The following SPMAP2 variants were observed in gnomAD, a reference collection of about 807,000 sequenced individuals.
The protein encoded by SPMAP2 is sperm microtubule associated protein 2.
the SPMAP2 span, among the ~76,000 whole-genome samples, chr19:363,089 C>A: frequency 2.0e-5 from 3 of 152,222 alleles, no homozygotes; most frequent in African/African-American, 7.2e-5. Flanking sequence ...GGGGGCGGGG[C>A]TGCCTTCTGA....
chr19:367,262 G>A, the SPMAP2 span: 1 of 1,540,538 alleles, frequency 6.5e-7, no homozygotes, highest in Non-Finnish European at 8.7e-7. Context: ...ACGTGAAACA[G>A]TCCATGATGC....
At chr19:374,397 G>A in the SPMAP2 span, 3 of 1,613,986 alleles carry the variant, frequency 1.9e-6, no homozygotes, top group African/African-American at 4.0e-5. Context: ...TGGTGCTGGG[G>A]AGCTTCTGGC....
the SPMAP2 span, among the ~76,000 whole-genome samples, chr19:372,349 G>A: frequency 6.6e-6 from 1 of 152,212 alleles, no homozygotes; most frequent in Non-Finnish European, 1.5e-5. Flanking sequence ...ATCTGAGCAC[G>A]CACTGTGTCA....
At chr19:372,986 A>C in the SPMAP2 span, among the ~76,000 whole-genome samples, 3 of 152,218 alleles carry the variant, frequency 2.0e-5, no homozygotes, top group Admixed American at 6.5e-5. Context: ...AACGGGGCTC[A>C]ATACAGATCC....
chr19:369,675 C>G, the SPMAP2 span, among the ~76,000 whole-genome samples: 43 of 152,244 alleles, frequency 2.8e-4, no homozygotes, highest in Non-Finnish European at 5.1e-4. Context: ...CTGGTGCAGG[C>G]GGGCTGAGTC....
chr19:362,306 C>G, the SPMAP2 span: 1 of 1,609,296 alleles, frequency 6.2e-7, no homozygotes, highest in Non-Finnish European at 8.5e-7. Context: ...GAGGCCCTTG[C>G]GCACTTTGGG....
chr19:362,965 C>T, the SPMAP2 span, among the ~76,000 whole-genome samples: 1 of 152,030 alleles, frequency 6.6e-6, no homozygotes, highest in Non-Finnish European at 1.5e-5. Flanking sequence ...CACGAAAGGA[C>T]ACACAGTGTG....
the SPMAP2 span, chr19:367,334 G>A: frequency 4.6e-6 from 5 of 1,098,022 alleles, no homozygotes. Flanking sequence ...GACAGACTGG[G>A]AAGAAGTTGG....
the SPMAP2 span, chr19:373,571 G>C: frequency 6.3e-7 from 1 of 1,594,818 alleles, no homozygotes; most frequent in African/African-American, 1.3e-5. Context: ...GAGGCAGAGA[G>C]CCCTGGCCCT....
chr19:371,388 G>C, the SPMAP2 span: 7 of 629,104 alleles, frequency 1.1e-5, no homozygotes, highest in Non-Finnish European at 1.8e-5. Context: ...GTGTGTGTGT[G>C]TGTGTGTGTG....
the SPMAP2 span, among the ~76,000 whole-genome samples, chr19:371,883 G>A: frequency 6.6e-6 from 1 of 152,232 alleles, no homozygotes; most frequent in Non-Finnish European, 1.5e-5. Context: ...CAGGTCTGAG[G>A]TTAGGATGCA....
chr19:371,595 C>G, the SPMAP2 span, among the ~76,000 whole-genome samples: 1 of 152,190 alleles, frequency 6.6e-6, no homozygotes, highest in Non-Finnish European at 1.5e-5. Context: ...TGTCTCTGCT[C>G]AATGTGCAAC....
the SPMAP2 span, among the ~76,000 whole-genome samples, chr19:368,804 C>A: frequency 1.3e-5 from 2 of 152,236 alleles, no homozygotes; most frequent in Non-Finnish European, 2.9e-5. This position sits in a 1 kb window ranked among gnomAD's most constrained non-coding sequence, Gnocchi z 4.1. Flanking sequence ...CCCTCCCTGG[C>A]TCCCTCCAGC....
the SPMAP2 span, chr19:373,957 C>T: frequency 1.2e-6 from 2 of 1,613,638 alleles, no homozygotes. Context: ...GACAGAAGTG[C>T]AAGCTCATCT....
chr19:374,490 G>C, the SPMAP2 span: 1 of 1,603,072 alleles, frequency 6.2e-7, no homozygotes, highest in Non-Finnish European at 8.5e-7. Context: ...GCCCAGAGAA[G>C]CGTGGGTCTT....
the SPMAP2 span, chr19:371,064 G>T: frequency 1.9e-6 from 1 of 513,730 alleles, no homozygotes; most frequent in African/African-American, 2.0e-5. Context: ...GAGATCAAAA[G>T]AAAGCTGCTC....
chr19:364,278 A>G, the SPMAP2 span, among the ~76,000 whole-genome samples: 1,921 of 143,646 alleles, frequency 0.013, 40 homozygotes, highest in African/African-American at 0.045. Flanking sequence ...CGGAGCTTGC[A>G]GTGAGCTGAG....
the SPMAP2 span, among the ~76,000 whole-genome samples, chr19:365,156 A>T: frequency 6.6e-6 from 1 of 152,140 alleles, no homozygotes; most frequent in South Asian, 2.1e-4. Flanking sequence ...CGCGCTCACC[A>T]CACACACACG....
chr19:373,405 G>A, the SPMAP2 span: 87 of 1,504,980 alleles, frequency 5.8e-5, no homozygotes, highest in Admixed American at 1.0e-3. Context: ...TAGATGGGGC[G>A]GGGCAGGTTC....
Sources: allele counts gnomAD v4.1 joint callset (sites outside exome capture counted in the v4.1 genomes callset), GRCh38; gene constraint gnomAD v4.1.1; non-coding constraint Gnocchi (gnomAD v3.1); transcripts MANE v1.5; gene names NCBI Gene and HGNC (gene_info 2026-07-23, HGNC 2026-07-21).